The following ZFHX3 variants were observed in gnomAD, a reference collection of about 807,000 sequenced individuals.
ZFHX3 encodes zinc finger homeobox protein 3.
ZFHX3 carries 42 observed loss-of-function variants against 279.1 expected under a neutral mutation model. The observed-to-expected ratio is 0.15, with a 90% confidence interval of 0.12 to 0.19. The LOEUF (loss-of-function observed/expected upper bound fraction) is 0.19. ZFHX3 is among the 10% of genes least tolerant of loss of function. ZFHX3 has a pLI of 1.00. For synonymous variants in ZFHX3, 2,293 were observed against 1,957.8 expected (o/e 1.17, Z -4.52); for missense variants, 4,981 against 4,754.0 (o/e 1.05, Z -1.40).
intron 3 of ZFHX3, among the ~76,000 whole-genome samples, chr16:72,925,206 C>T (rs1042038387): frequency 5.3e-5 from 8 of 152,206 alleles, no homozygotes; most frequent in Admixed American, 1.3e-4. Flanking sequence ...CGAAATCGGT[C>T]GTGAGGCTGC....
At chr16:73,649,980 A>G (rs1263533930) in intron 2 of ZFHX3, among the ~76,000 whole-genome samples, 1 of 152,194 alleles carries the variant, frequency 6.6e-6, no homozygotes, top group Non-Finnish European at 1.5e-5. Context: ...ATAGTTGTAT[A>G]AGGATAAACA....
Position 72,884,524 on chromosome 16 carries a change from C to T in ZFHX3, c.3448+5207G>A, listed in dbSNP as rs1054353189. ...ATAAAAAGCCTTATATATAATAGGT[C>T]GTCAATAAAGAATTGTTGAACTTTA... On this transcript the variant is annotated intron_variant, in intron 4 of 9. Coordinates refer to ENST00000268489, the MANE Select transcript of ZFHX3 (RefSeq NM_006885.4). Among the ~76,000 whole-genome samples, 6 of 151,930 alleles carry T rather than the reference C, an allele frequency of 3.9e-5. No individual in the cohort carries two copies. In the East Asian group the frequency reaches 7.7e-4, roughly 20 times the overall value.
intron 2 of ZFHX3, among the ~76,000 whole-genome samples, chr16:73,517,723 A>T (rs1486739013): frequency 1.3e-5 from 2 of 152,220 alleles, no homozygotes; most frequent in Non-Finnish European, 2.9e-5. Flanking sequence ...AGAGGGAAAA[A>T]GGAGAGAATA....
chr16:72,912,490 T>C lies in ZFHX3; in HGVS notation c.3217-22528A>G, dbSNP rs992200034. Among the ~76,000 whole-genome samples, 10 of 151,900 alleles carry C rather than the reference T, an allele frequency of 6.6e-5. No homozygotes were observed. In the East Asian group the frequency reaches 1.5e-3, roughly 23 times the overall value. On this transcript the variant is annotated intron_variant, in intron 3 of 9. Transcript: ENST00000268489. ...TCTGAAAAGAAACTTATTTGGAAAA[T>C]TGTTGCAGGAAAGCTAAAAGGTTGG...
intron 4 of ZFHX3, among the ~76,000 whole-genome samples, chr16:72,871,673 C>T (rs1201982040): frequency 1.3e-5 from 2 of 151,178 alleles, no homozygotes; most frequent in African/African-American, 2.4e-5. Flanking sequence ...GACGGGGTTT[C>T]ACCATGTTGG....
Position 73,246,497 on chromosome 16 carries a change from C to T in ZFHX3, c.-1104+10550G>A, listed in dbSNP as rs148192573. 4.1e-3 allele frequency among the ~76,000 whole-genome samples: 628 copies of T among 152,288 alleles called. 4 individuals carry two copies. Among genetic ancestry groups the T allele is most frequent in the African/African-American group, 0.013 (537 of 41,562 alleles). On this transcript the variant is annotated intron_variant, in intron 5 of 17. Coordinates refer to the ZFHX3 transcript ENST00000641206. ...TGGGTCATCGCCAGCCATCGAACCC[C>T]GAGGTGCTGGGTGGGCCAGGCTTTT...
Position 72,845,961 on chromosome 16 carries a change from C to A in ZFHX3, c.3449-16102G>T, listed in dbSNP as rs534466894. On this transcript the variant is annotated intron_variant, in intron 4 of 9. Transcript: ENST00000268489. ...TGCTTAATGGCTACCTCTAGAGGCA[C>A]CAACCATGGTGGCCTTCACAGGAGA... is the stretch of plus-strand genomic sequence containing the variant. 3.9e-5 allele frequency among the ~76,000 whole-genome samples: 6 copies of A among 152,266 alleles called. No individual in the cohort carries two copies. The South Asian group carries it at 8.3e-4, about 21-fold the overall frequency.
intron 1 of ZFHX3, chr16:73,809,103 C>A (rs1023099988): frequency 1.3e-5 from 2 of 152,142 alleles, no homozygotes; most frequent in Non-Finnish European, 2.9e-5. Flanking sequence ...GGAGGAGGTA[C>A]CAAACGGCAG....
intron 7 of ZFHX3, among the ~76,000 whole-genome samples, chr16:73,093,980 A>G (rs1480009045): frequency 6.6e-6 from 1 of 152,156 alleles, no homozygotes; most frequent in Admixed American, 6.5e-5. Flanking sequence ...CTCCTGGCTG[A>G]AAACTTAAGA....
chr16:73,055,204 G>C (rs949204444), intron 1 of ZFHX3, among the ~76,000 whole-genome samples: 2 of 151,374 alleles, frequency 1.3e-5, no homozygotes, highest in African/African-American at 4.9e-5. Context: ...AAGCTGCTTT[G>C]TAACCGGATC....
intron 5 of ZFHX3, among the ~76,000 whole-genome samples, chr16:73,211,819 G>C (rs1343333502): frequency 6.6e-6 from 1 of 152,094 alleles, no homozygotes; most frequent in Non-Finnish European, 1.5e-5. Flanking sequence ...TGTGAACCAG[G>C]AGTCTTGGGG....
intron 6 of ZFHX3, chr16:73,134,637 C>T (rs780455234): frequency 1.3e-5 from 2 of 151,934 alleles, no homozygotes; most frequent in African/African-American, 2.4e-5. Context: ...ACCTGGCTCC[C>T]TGTTAGTTCT....
chr16:72,793,688 C>T lies in ZFHX3; in HGVS notation c.8994G>A (p.Arg2998=), dbSNP rs754599342. The change falls in exon 9 of 10, where the codon CGG becomes CGA. Residue 2998 remains arginine, a synonymous_variant. Transcript: ENST00000268489. The surrounding 1 kb of genome is among the most constrained non-coding windows in gnomAD (Gnocchi z 4.3). ...TTAACTTGGACTTCTTTTCTTTTGC[C>T]CGGGCATTCTGGAACCAGACCTGAA... ...RVVQVWFQNA[R]AKEKKSKLSM... 4.3e-6 allele frequency: 7 copies of T among 1,613,986 alleles called. No individual in the cohort carries two copies. The African/African-American group carries it at 8.0e-5, about 18-fold the overall frequency.
chr16:72,841,265 A>G (rs916902920), intron 4 of ZFHX3, among the ~76,000 whole-genome samples: 4 of 152,236 alleles, frequency 2.6e-5, no homozygotes, highest in African/African-American at 9.6e-5. Flanking sequence ...TCAGTTTGAA[A>G]CAAACAGGCA....
chr16:73,376,373 T>G (rs1427375874), intron 3 of ZFHX3, among the ~76,000 whole-genome samples: 1 of 152,194 alleles, frequency 6.6e-6, no homozygotes, highest in Non-Finnish European at 1.5e-5. Flanking sequence ...TTCTTTTAGG[T>G]TCTGGACCAT....
At chr16:73,184,081 G>A (rs1257780562) in intron 5 of ZFHX3, among the ~76,000 whole-genome samples, 1 of 152,076 alleles carries the variant, frequency 6.6e-6, no homozygotes, top group Non-Finnish European at 1.5e-5. Flanking sequence ...CAGGCTTTTG[G>A]TCTACTGCGT....
At chr16:73,270,326 T>C (rs191206711) in intron 4 of ZFHX3, among the ~76,000 whole-genome samples, 1 of 152,288 alleles carries the variant, frequency 6.6e-6, no homozygotes, top group Admixed American at 6.5e-5. Flanking sequence ...TGGGAATTTG[T>C]CAAATCTCTC....
rs577908917 is a variant in ZFHX3 at position 73,781,045 on chromosome 16, T to G, written c.-1607-100805A>C. Among the ~76,000 whole-genome samples the G allele has an allele frequency of 8.5e-5, 13 of 152,318 alleles. No individual in the cohort carries two copies. In the South Asian group the frequency reaches 2.7e-3, roughly 32 times the overall value. The stretch of plus-strand genomic sequence containing the variant: ...ATATTAAAAGCTTTAGCAGTGATTA[T>G]GATGAACAAAAGAGAAAGGGACCAT... On this transcript the variant is annotated intron_variant, in intron 1 of 17. Transcript: ENST00000641206.
At chr16:73,492,650 G>C (rs1235296951) in intron 2 of ZFHX3, among the ~76,000 whole-genome samples, 1 of 152,206 alleles carries the variant, frequency 6.6e-6, no homozygotes, top group Non-Finnish European at 1.5e-5. Flanking sequence ...GGTCTTGAAG[G>C]TTAAATATCA....
Sources: gnomAD v4.1 joint callset for allele counts (sites outside exome capture counted in the v4.1 genomes callset) on GRCh38, gnomAD v4.1.1 for gene constraint, Gnocchi (gnomAD v3.1) non-coding constraint, MANE v1.5 for transcripts, NCBI Gene and HGNC (gene_info 2026-07-23, HGNC 2026-07-21) for gene names.